THRB: variants seen among roughly 807,000 people sequenced by gnomAD.
THRB encodes the protein thyroid hormone receptor beta, also known as nuclear receptor subfamily 1 group A member 2.
A neutral mutation model predicts 47.8 loss-of-function variants in THRB; 12 were observed. That is an observed-to-expected ratio of 0.25 (90% CI 0.16 to 0.41). The LOEUF (loss-of-function observed/expected upper bound fraction) is 0.41, where lower values mean the gene tolerates loss of function less well. THRB is among the 10% of genes least tolerant of loss of function. The probability of loss-of-function intolerance (pLI) is 1.00; values close to 1 mark genes in which losing one functional copy is unlikely to be tolerated. For synonymous variants in THRB, 218 were observed against 212.2 expected (o/e 1.03, Z -0.24); for missense variants, 348 against 589.2 (o/e 0.59, Z 4.24).
At chr3:24,299,711 CA>C (rs2056765055) in intron 2 of THRB, among the ~76,000 whole-genome samples, 1 of 146,462 alleles carries the variant, frequency 6.8e-6, no homozygotes, top group Admixed American at 6.9e-5. Context: ...ATCATCAGTA[CA>C]TCTGAATTCT....
At chr3:24,195,293 A>T (rs938727496) in intron 4 of THRB, among the ~76,000 whole-genome samples, 1 of 152,204 alleles carries the variant, frequency 6.6e-6, no homozygotes, top group Non-Finnish European at 1.5e-5. Context: ...CTGACAAGGA[A>T]CCTAAAATTA....
intron 5 of THRB, among the ~76,000 whole-genome samples, chr3:24,163,569 A>G (rs181717739): frequency 6.6e-6 from 1 of 152,316 alleles, no homozygotes; most frequent in East Asian, 1.9e-4. Flanking sequence ...AAGTATGTTT[A>G]ATGAGGCAAT....
intron 1 of THRB, among the ~76,000 whole-genome samples, chr3:24,457,630 C>T (rs371606900): frequency 5.9e-5 from 9 of 152,256 alleles, no homozygotes; most frequent in African/African-American, 2.2e-4. Flanking sequence ...AAATATTATA[C>T]GTTTGGTATC....
chr3:24,149,572 A>C (rs1264547555), intron 6 of THRB, among the ~76,000 whole-genome samples: 1 of 152,226 alleles, frequency 6.6e-6, no homozygotes, highest in Non-Finnish European at 1.5e-5. Context: ...TAGCTCTACT[A>C]TACACTATGC....
intron 1 of THRB, among the ~76,000 whole-genome samples, chr3:24,348,386 G>C (rs1577026041): frequency 6.6e-6 from 1 of 152,056 alleles, no homozygotes; most frequent in East Asian, 1.9e-4. Flanking sequence ...GCTGGTCCCT[G>C]CCACAAGTCC....
In THRB at chr3:24,199,676, T is replaced by C. The variant is rs145700689; in HGVS notation, c.23-9342A>G. Among the ~76,000 whole-genome samples the C allele has an allele frequency of 1.1e-4, 17 of 152,340 alleles. No individual in the cohort carries two copies. The East Asian group carries it at 3.1e-3, about 28-fold the overall frequency. Reference sequence around the variant, plus strand: ...ACTCTGAAACTAAAAAGTACAATGATTGATAATCTTTTGATAAATGAAAAC... The same window carrying C: ...ACTCTGAAACTAAAAAGTACAATGACTGATAATCTTTTGATAAATGAAAAC... On this transcript the variant is annotated intron_variant, in intron 4 of 10. Coordinates refer to ENST00000646209, the MANE Select transcript of THRB (RefSeq NM_001354712.2).
chr3:24,133,052 G>A (rs887663728), intron 9 of THRB, among the ~76,000 whole-genome samples: 4 of 152,178 alleles, frequency 2.6e-5, no homozygotes, highest in African/African-American at 9.7e-5. Flanking sequence ...GGAATCTATT[G>A]CTATCATTAT....
At chr3:24,402,554 A>G (rs1391352650) in intron 1 of THRB, among the ~76,000 whole-genome samples, 5 of 151,264 alleles carry the variant, frequency 3.3e-5, no homozygotes, top group African/African-American at 1.2e-4. Context: ...AGTAGAAAAT[A>G]AAAAACACAA....
intron 4 of THRB, 62 bp from the exon 5 acceptor site, chr3:24,190,396 C>A (rs2043186453): frequency 6.8e-6 from 11 of 1,605,984 alleles, no homozygotes; most frequent in Non-Finnish European, 9.4e-6. Flanking sequence ...TGCTGAGATG[C>A]AGAGTTTTGG....
chr3:24,272,151 G>A (rs1301207657), intron 3 of THRB, among the ~76,000 whole-genome samples: 1 of 152,134 alleles, frequency 6.6e-6, no homozygotes, highest in East Asian at 1.9e-4. Flanking sequence ...AGACCAGCCT[G>A]GGCAACACAG....
chr3:24,426,892 C>CCCAAA (rs1242758828), intron 1 of THRB, among the ~76,000 whole-genome samples: 1 of 151,846 alleles, frequency 6.6e-6, no homozygotes, highest in Non-Finnish European at 1.5e-5. Context: ...AAAAACAAAG[C>CCCAAA]CAGTGCCCAA....
intron 2 of THRB, among the ~76,000 whole-genome samples, chr3:24,304,872 GC>G (rs1258591928): frequency 2.0e-5 from 3 of 152,056 alleles, no homozygotes; most frequent in Non-Finnish European, 4.4e-5. Context: ...ACTAGAACTA[GC>G]CCCATTGTAA....
At chr3:24,370,333 G>A (rs191733615) in intron 1 of THRB, among the ~76,000 whole-genome samples, 1 of 152,166 alleles carries the variant, frequency 6.6e-6, no homozygotes, top group East Asian at 1.9e-4. Flanking sequence ...ATACGTGGAT[G>A]GCTTTTCTTT....
chr3:24,269,868 T>C (rs539032610), intron 3 of THRB, among the ~76,000 whole-genome samples: 1 of 152,320 alleles, frequency 6.6e-6, no homozygotes, highest in Admixed American at 6.5e-5. Context: ...TTTTAAATTT[T>C]GACATGTACC....
chr3:24,370,839 G>C (rs180911495), intron 1 of THRB, among the ~76,000 whole-genome samples: 12 of 152,102 alleles, frequency 7.9e-5, no homozygotes, highest in African/African-American at 2.9e-4. Context: ...CACTACAATG[G>C]CATTGCTGGT....
intron 3 of THRB, among the ~76,000 whole-genome samples, chr3:24,249,995 A>T (rs977338271): frequency 6.6e-6 from 1 of 152,216 alleles, no homozygotes; most frequent in African/African-American, 2.4e-5. Context: ...TTTTGCACCA[A>T]CCTAGTACCA....
chr3:24,453,650 C>T lies in THRB; in HGVS notation c.-261+41002G>A, dbSNP rs58351306. 6.6e-3 allele frequency among the ~76,000 whole-genome samples: 1,007 copies of T among 152,252 alleles called. 11 individuals are homozygous for T. The highest frequency in any genetic ancestry group is 0.019 in the African/African-American group (794 of 41,546). On this transcript the variant is annotated intron_variant, in intron 1 of 10. Transcript: ENST00000646209. ...AGTTTATATTGGATCACGCCATTTC[C>T]GCTGCTAAAATCCACAAAACCACTC... is the stretch of plus-strand genomic sequence containing the variant.
At chr3:24,200,286 C>T (rs1464947898) in intron 4 of THRB, among the ~76,000 whole-genome samples, 1 of 152,164 alleles carries the variant, frequency 6.6e-6, no homozygotes, top group Non-Finnish European at 1.5e-5. Context: ...CTTTATGAGA[C>T]TCGCCCCATT....
chr3:24,272,159 C>A (rs1425475542), intron 3 of THRB, among the ~76,000 whole-genome samples: 1 of 152,080 alleles, frequency 6.6e-6, no homozygotes, highest in African/African-American at 2.4e-5. Flanking sequence ...CTGGGCAACA[C>A]AGCGAGATCT....
Sources: allele counts gnomAD v4.1 joint callset (sites outside exome capture counted in the v4.1 genomes callset), GRCh38; gene constraint gnomAD v4.1.1; transcripts MANE v1.5; gene names NCBI Gene and HGNC (gene_info 2026-07-23, HGNC 2026-07-21).